The following GRIK2 variants were observed in gnomAD, a reference collection of about 807,000 sequenced individuals.
GRIK2 encodes glutamate receptor ionotropic, kainate 2.
Under a neutral mutation model 100.3 loss-of-function variants are expected in GRIK2, and 32 were observed. That is an observed-to-expected ratio of 0.32 (90% CI 0.24 to 0.43). The LOEUF (loss-of-function observed/expected upper bound fraction) is 0.43, where lower values mean the gene tolerates loss of function less well. Ranked by LOEUF, GRIK2 falls within the 20% of genes least tolerant of loss-of-function variation. GRIK2 has a pLI of 1.00. For missense variants in GRIK2, 843 were observed against 1,114.9 expected, an observed-to-expected ratio of 0.76 and a Z score of 3.47; for synonymous variants, 417 against 389.4, an observed-to-expected ratio of 1.07 and a Z score of -0.83.
intron 10 of GRIK2, among the ~76,000 whole-genome samples, chr6:101,841,857 A>G (rs199930087): frequency 1.3e-5 from 2 of 149,246 alleles, no homozygotes; most frequent in African/African-American, 5.0e-5. Context: ...TTCTATAATT[A>G]GTTGACACTT....
At chr6:101,811,748 A>C (rs1781341276) in intron 9 of GRIK2, among the ~76,000 whole-genome samples, 1 of 151,870 alleles carries the variant, frequency 6.6e-6, no homozygotes, top group Non-Finnish European at 1.5e-5. Flanking sequence ...TATATAGCCC[A>C]ATAGAGGAAA....
intron 2 of GRIK2, among the ~76,000 whole-genome samples, chr6:101,439,119 G>A (rs1433588022): frequency 6.6e-6 from 1 of 152,124 alleles, no homozygotes; most frequent in Non-Finnish European, 1.5e-5. Flanking sequence ...GTGACCATCT[G>A]TCTGGTGCGC....
Position 101,483,170 on chromosome 6 carries a change from G to A in GRIK2, c.115+83778G>A, listed in dbSNP as rs183087471. On this transcript the variant is annotated intron_variant, in intron 2 of 16. Transcript: ENST00000369134. ...GGTCGCAATTTCTAAATTTTATTTT[G>A]TTTCTTCATAGATTTGAACCAATAC... is the stretch of plus-strand genomic sequence containing the variant. Among the ~76,000 whole-genome samples, 9 of 151,918 alleles carry A rather than the reference G, an allele frequency of 5.9e-5. No homozygotes were observed. In the East Asian group the frequency reaches 1.5e-3, roughly 26 times the overall value.
chr6:101,827,809 A>G (rs550975693), intron 10 of GRIK2, among the ~76,000 whole-genome samples: 1 of 152,102 alleles, frequency 6.6e-6, no homozygotes, highest in African/African-American at 2.4e-5. Context: ...CCAAGAAAAG[A>G]CTTTAACAGC....
intron 14 of GRIK2, among the ~76,000 whole-genome samples, chr6:101,948,033 TA>T (rs1791381924): frequency 6.6e-6 from 1 of 152,206 alleles, no homozygotes; most frequent in Admixed American, 6.6e-5. Flanking sequence ...TGTTTATTTT[TA>T]AAAAATGGCC....
intron 7 of GRIK2, among the ~76,000 whole-genome samples, chr6:101,707,590 G>GTATATATA (rs1449124596): frequency 4.6e-5 from 6 of 129,474 alleles, no homozygotes; most frequent in Admixed American, 8.0e-5. Flanking sequence ...GTGTGTGTGT[G>GTATATATA]TGTGTATATA....
At chr6:101,939,107 T>A (rs1408118711) in intron 14 of GRIK2, among the ~76,000 whole-genome samples, 1 of 152,044 alleles carries the variant, frequency 6.6e-6, no homozygotes, top group Admixed American at 6.6e-5. Flanking sequence ...CAAAAACAAT[T>A]TAATAAAAGC....
At chr6:101,913,657 A>G (rs1393601582) in intron 12 of GRIK2, among the ~76,000 whole-genome samples, 1 of 151,510 alleles carries the variant, frequency 6.6e-6, no homozygotes, top group African/African-American at 2.4e-5. Flanking sequence ...CAAGGAGTGT[A>G]TCATCCAATA....
intron 2 of GRIK2, among the ~76,000 whole-genome samples, chr6:101,460,194 C>A (rs542434569): frequency 2.6e-5 from 4 of 152,228 alleles, no homozygotes; most frequent in African/African-American, 9.6e-5. Flanking sequence ...CTTGTGAAAA[C>A]TTTTCTGGCT....
intron 7 of GRIK2, among the ~76,000 whole-genome samples, chr6:101,797,347 G>A (rs1015814212): frequency 6.6e-6 from 1 of 151,776 alleles, no homozygotes; most frequent in Non-Finnish European, 1.5e-5. Flanking sequence ...GTATGTAGTG[G>A]TGGCCAAAAG....
chr6:101,461,330 T>C (rs1270965890), intron 2 of GRIK2, among the ~76,000 whole-genome samples: 2 of 152,198 alleles, frequency 1.3e-5, no homozygotes, highest in Non-Finnish European at 2.9e-5. Flanking sequence ...CTTGGGGAGA[T>C]AATGTTTTCT....
chr6:101,482,603 T>C (rs762370629), intron 2 of GRIK2, among the ~76,000 whole-genome samples: 4 of 152,116 alleles, frequency 2.6e-5, no homozygotes, highest in Admixed American at 6.5e-5. Context: ...CTGGAAGTTA[T>C]GGAAATGTAA....
At chr6:101,834,616 C>T (rs1261756956) in intron 10 of GRIK2, among the ~76,000 whole-genome samples, 2 of 152,122 alleles carry the variant, frequency 1.3e-5, no homozygotes, top group East Asian at 1.9e-4. Flanking sequence ...TTTCAGATAA[C>T]AGTTATTTAA....
intron 14 of GRIK2, among the ~76,000 whole-genome samples, chr6:101,948,084 GTTTA>G (rs1310526057): frequency 2.0e-5 from 3 of 151,976 alleles, no homozygotes; most frequent in Non-Finnish European, 2.9e-5. Context: ...TTATTTTTCA[GTTTA>G]TTTGTTTGGA....
intron 7 of GRIK2, among the ~76,000 whole-genome samples, chr6:101,755,309 G>A (rs1777069010): frequency 6.6e-6 from 1 of 151,828 alleles, no homozygotes; most frequent in Admixed American, 6.6e-5. Flanking sequence ...TGGGACTACA[G>A]GCGCCCGCCA....
chr6:102,002,218 C>T (rs1464763346), intron 14 of GRIK2, among the ~76,000 whole-genome samples: 2 of 149,784 alleles, frequency 1.3e-5, no homozygotes, highest in African/African-American at 4.9e-5. Flanking sequence ...GGTCTACCTT[C>T]TATCACAATG....
chr6:101,933,913 G>C (rs1790449443), intron 14 of GRIK2, among the ~76,000 whole-genome samples: 2 of 151,838 alleles, frequency 1.3e-5, no homozygotes, highest in African/African-American at 4.8e-5. Flanking sequence ...TCCATCCTAG[G>C]TAGAACGTTT....
rs766071246 is a variant in GRIK2 at position 101,676,810 on chromosome 6, C to G, written c.723+6C>G. Reference sequence around the variant, plus strand: ...CAGCAGGCATTTTAAAACAGGTAACCTTTAAATTACTTCAATTCTTGTTTT... The same window carrying G: ...CAGCAGGCATTTTAAAACAGGTAACGTTTAAATTACTTCAATTCTTGTTTT... On this transcript the variant is annotated splice_donor_region_variant and intron_variant, in intron 5 of 16. Transcript: ENST00000369134. The G allele has an allele frequency of 6.6e-7, 1 of 1,514,000 alleles. No individual in the cohort carries two copies. Among genetic ancestry groups the G allele is most frequent in the Non-Finnish European group, 9.0e-7 (1 of 1,109,148 alleles). 93.8% of individuals were successfully genotyped at this position (1,514,000 alleles called of 1,614,324 possible). A position where few individuals can be genotyped will look rare whatever the true frequency, so the allele number is the denominator to read the frequency against.
chr6:101,503,659 ACATTT>A (rs1773881924), intron 2 of GRIK2, among the ~76,000 whole-genome samples: 1 of 152,184 alleles, frequency 6.6e-6, no homozygotes, highest in South Asian at 2.1e-4. Context: ...TTTGCAGTTT[ACATTT>A]ATTACATTCA....
Sources: gnomAD v4.1 joint callset for allele counts (sites outside exome capture counted in the v4.1 genomes callset) on GRCh38, gnomAD v4.1.1 for gene constraint, MANE v1.5 for transcripts, NCBI Gene and HGNC (gene_info 2026-07-23, HGNC 2026-07-21) for gene names.